PPIL4: variants seen among roughly 807,000 people sequenced by gnomAD.
PPIL4 encodes peptidyl-prolyl cis-trans isomerase-like 4.
PPIL4 carries 50 observed loss-of-function variants against 69.1 expected under a neutral mutation model. That is an observed-to-expected ratio of 0.72 (90% CI 0.58 to 0.92). The LOEUF is 0.92. Among genes scored for constraint, PPIL4 ranks in the 40% least tolerant of loss-of-function variants. The pLI, the probability that PPIL4 is intolerant of heterozygous loss-of-function variation, is 0.00. For missense variants in PPIL4, 480 were observed against 587.9 expected, an observed-to-expected ratio of 0.82 and a Z score of 1.90; for synonymous variants, 193 against 191.6, an observed-to-expected ratio of 1.01 and a Z score of -0.06.
At position 149,526,682 on chromosome 6, in the gene PPIL4, A is replaced by G. The variant is rs757543575; in HGVS notation, c.773T>C (p.Ile258Thr). The change falls in exon 8 of 13, where the codon ATA becomes ACA. Residue 258 changes from isoleucine (I) to threonine (T), a missense_variant. Transcript: ENST00000253329. ...NPVTTDEDLE[I>T]IFSRFGPIRS... ...TATTGGCCCAAATCTAGAGAATATT[A>G]TTTCCAGATCCTCATCTGTGGTCAC... The G allele has an allele frequency of 3.7e-6, 6 of 1,610,944 alleles. No homozygotes were observed. The South Asian group carries it at 6.6e-5, about 18-fold the overall frequency.
intron 12 of PPIL4, 74 bp downstream of exon 12, chr6:149,512,081 A>G (rs1776853027): frequency 4.7e-6 from 6 of 1,269,640 alleles, no homozygotes; most frequent in Admixed American, 2.4e-5. Context: ...CTCCTAAATT[A>G]TATCACTAAG....
intron 8 of PPIL4, 23 bp downstream of exon 8, chr6:149,526,629 C>T: frequency 6.3e-7 from 1 of 1,585,652 alleles, no homozygotes; most frequent in South Asian, 1.1e-5. Context: ...CTAAATATCT[C>T]TTTCACTAAT....
In PPIL4 at chr6:149,526,671, T is replaced by A; in HGVS notation, c.784A>T (p.Arg262Ter). ...GATTACCTTCTTATTGGCCCAAATC[T>A]AGAGAATATTATTTCCAGATCCTCA... is the stretch of plus-strand genomic sequence containing the variant. ...TDEDLEIIFS[R>*]FGPIRSCEVI... The change falls in exon 8 of 13, where the codon AGA becomes TGA. Residue 262 changes from arginine to a stop codon, truncating the protein, a stop_gained. Coordinates refer to ENST00000253329, the MANE Select transcript of PPIL4 (RefSeq NM_139126.4). LOFTEE classifies it high-confidence loss of function. 1 of 1,610,786 alleles carries A rather than the reference T, an allele frequency of 6.2e-7. No individual in the cohort carries two copies. The highest frequency in any genetic ancestry group is 8.5e-7 in the Non-Finnish European group (1 of 1,177,970).
At chr6:149,537,049 C>T (rs996306034) in intron 4 of PPIL4, among the ~76,000 whole-genome samples, 4 of 151,606 alleles carry the variant, frequency 2.6e-5, no homozygotes, top group Non-Finnish European at 5.9e-5. Flanking sequence ...TTGCTTGAAC[C>T]CAGGAGGCGA....
intron 10 of PPIL4, among the ~76,000 whole-genome samples, chr6:149,520,509 A>G (rs1777012602): frequency 6.6e-6 from 1 of 152,182 alleles, no homozygotes; most frequent in South Asian, 2.1e-4. Flanking sequence ...AATTTATAAT[A>G]TAGTCAAACA....
chr6:149,530,825 G>A (rs1777184462), intron 7 of PPIL4, among the ~76,000 whole-genome samples: 2 of 152,124 alleles, frequency 1.3e-5, no homozygotes, highest in South Asian at 2.1e-4. Context: ...AGAAATTTAT[G>A]GGGGAAATTT....
chr6:149,504,749 G>A lies in PPIL4; in HGVS notation c.*704C>T, dbSNP rs904033557. Reference sequence around the variant, plus strand: ...TACAGTCACTTCAGAACACAAATTTGGCATTATTTTATCAATATATCAAGC... The same window carrying A: ...TACAGTCACTTCAGAACACAAATTTAGCATTATTTTATCAATATATCAAGC... On this transcript the variant is annotated 3_prime_UTR_variant, in exon 13 of 13. Transcript: ENST00000253329. 1.2e-4 allele frequency: 18 copies of A among 152,186 alleles called. No individual in the cohort carries two copies. Among genetic ancestry groups the A allele is most frequent in the African/African-American group, 4.3e-4 (18 of 41,492 alleles). The allele number at this position is 152,186 out of a possible 1,614,324, so 9.4% of individuals were successfully genotyped here.
At chr6:149,534,366 A>T (rs1255215779) in intron 6 of PPIL4, among the ~76,000 whole-genome samples, 1 of 152,182 alleles carries the variant, frequency 6.6e-6, no homozygotes, top group East Asian at 1.9e-4. Flanking sequence ...GAGTGTCCCC[A>T]GTTGAAAAGT....
intron 3 of PPIL4, 114 bp from the exon 4 acceptor site, chr6:149,541,173 A>T (rs769585657): frequency 6.4e-6 from 4 of 623,456 alleles, no homozygotes; most frequent in Non-Finnish European, 1.0e-5. Context: ...CAGAATTCAA[A>T]ATATTACTTT....
At chr6:149,508,871 ATACTCT>A (rs541894341) in intron 12 of PPIL4, among the ~76,000 whole-genome samples, 7 of 152,232 alleles carry the variant, frequency 4.6e-5, no homozygotes, top group Non-Finnish European at 1.0e-4. Flanking sequence ...ATAAGTTAAA[ATACTCT>A]TGGGAAACCA....
At chr6:149,536,985 GC>G (rs1471814539) in intron 4 of PPIL4, among the ~76,000 whole-genome samples, 1 of 152,054 alleles carries the variant, frequency 6.6e-6, no homozygotes, top group African/African-American at 2.4e-5. Flanking sequence ...AGTTAGCCAG[GC>G]ATGGTGGCGT....
Position 149,505,314 on chromosome 6 carries a change from C to A in PPIL4, c.*139G>T. The A allele has an allele frequency of 1.4e-6, 1 of 696,098 alleles. No homozygotes were observed. Among genetic ancestry groups the A allele is most frequent in the East Asian group, 2.6e-5 (1 of 39,094 alleles). 43.1% of individuals were successfully genotyped at this position (696,098 alleles called of 1,614,324 possible). ...TTTATCTTTCCGTGCTCTATATAAT[C>A]AGTATTAATCTAAAGACCATAATCC... On this transcript the variant is annotated 3_prime_UTR_variant, in exon 13 of 13. Transcript: ENST00000253329.
At chr6:149,529,252 GAA>G (rs1777153495) in intron 7 of PPIL4, among the ~76,000 whole-genome samples, 1 of 150,176 alleles carries the variant, frequency 6.7e-6, no homozygotes, top group Non-Finnish European at 1.5e-5. Context: ...AAAAAAGAAA[GAA>G]ATGAAATCCC....
intron 11 of PPIL4, among the ~76,000 whole-genome samples, chr6:149,513,113 TG>T (rs138872802): frequency 0.028 from 4,016 of 145,086 alleles, 158 homozygotes; most frequent in African/African-American, 0.093. Context: ...AAGCCAGGCG[TG>T]GTGGCTCACA....
At chr6:149,512,805 C>T (rs938322148) in intron 11 of PPIL4, among the ~76,000 whole-genome samples, 9 of 151,876 alleles carry the variant, frequency 5.9e-5, no homozygotes, top group Middle Eastern at 3.2e-3. Flanking sequence ...TGCAGTGGCG[C>T]GATCTCAGCT....
At chr6:149,541,180 C>CT (rs890115429) in intron 3 of PPIL4, 121 bp from the exon 4 acceptor site, 34,239 of 434,712 alleles carry the variant, frequency 0.079, 1 homozygote, top group East Asian at 0.11. Context: ...CAAAATATTA[C>CT]TTTTTTTTTT....
intron 9 of PPIL4, among the ~76,000 whole-genome samples, chr6:149,524,733 C>G (rs1238747212): frequency 6.6e-6 from 1 of 152,032 alleles, no homozygotes; most frequent in South Asian, 2.1e-4. Context: ...AACCCTGTCT[C>G]TACTAAAAAT....
chr6:149,532,735 G>A (rs1777217666), intron 7 of PPIL4, among the ~76,000 whole-genome samples: 1 of 152,124 alleles, frequency 6.6e-6, no homozygotes, highest in African/African-American at 2.4e-5. Flanking sequence ...CATTGCTTAA[G>A]CTGAGGAGTT....
intron 12 of PPIL4, among the ~76,000 whole-genome samples, chr6:149,510,410 T>C (rs1394478886): frequency 6.6e-6 from 1 of 152,116 alleles, no homozygotes; most frequent in Non-Finnish European, 1.5e-5. Context: ...AAACAAAAAA[T>C]TGTTAAAGCA....
Sources: gnomAD v4.1 joint callset for allele counts (sites outside exome capture counted in the v4.1 genomes callset) on GRCh38, gnomAD v4.1.1 for gene constraint, MANE v1.5 for transcripts, NCBI Gene and HGNC (gene_info 2026-07-23, HGNC 2026-07-21) for gene names.